Variants in CDH18 observed in about 807,000 individuals in gnomAD.
CDH18 encodes the protein cadherin-18.
A neutral mutation model predicts 67.9 loss-of-function variants in CDH18; 31 were observed. The ratio of observed to expected loss-of-function variants is 0.46; its 90% CI spans 0.34 to 0.62. CDH18 has a LOEUF of 0.62. CDH18 is among the 20% of genes least tolerant of loss of function. CDH18 has a pLI of 0.01. For synonymous variants in CDH18, 362 were observed against 347.2 expected (o/e 1.04, Z -0.48); for missense variants, 890 against 975.5 (o/e 0.91, Z 1.17).
At position 19,571,587 on chromosome 5, in the gene CDH18, G is replaced by A; in HGVS notation, c.1245C>T (p.Ser415=). The change falls in exon 8 of 13, where the codon AGC becomes AGT. Residue 415 remains serine (S), a synonymous_variant. Coordinates refer to ENST00000382275, the MANE Select transcript of CDH18 (RefSeq NM_004934.5). ...VLAQDPDSTN[S]LVRYFINYNV... ...ATTGAAGCATGCCATACCTTACTAAGCTGTTAGTACTGTCAGGATCTTGTG... is the reference window on the plus strand; with the variant it reads ...ATTGAAGCATGCCATACCTTACTAAACTGTTAGTACTGTCAGGATCTTGTG... 2 of 1,613,814 alleles carry A rather than the reference G, an allele frequency of 1.2e-6. No homozygotes were observed. Among genetic ancestry groups the A allele is most frequent in the South Asian group, 2.2e-5 (2 of 91,070 alleles).
intron 8 of CDH18, among the ~76,000 whole-genome samples, chr5:19,558,277 AAAAT>A (rs1738812141): frequency 6.6e-6 from 1 of 152,128 alleles, no homozygotes; most frequent in Non-Finnish European, 1.5e-5. Flanking sequence ...ACAGGAGAAG[AAAAT>A]AAATAACGAA....
chr5:20,420,366 C>A (rs2150157904), intron 1 of CDH18, among the ~76,000 whole-genome samples: 1 of 151,156 alleles, frequency 6.6e-6, no homozygotes, highest in East Asian at 1.9e-4. Context: ...AGAATACCAA[C>A]AATGAAATAA....
At chr5:20,412,595 C>T (rs987649770) in intron 1 of CDH18, among the ~76,000 whole-genome samples, 2 of 152,134 alleles carry the variant, frequency 1.3e-5, no homozygotes, top group Admixed American at 6.5e-5. Context: ...GATAACTATG[C>T]ATCCAACAAA....
intron 1 of CDH18, among the ~76,000 whole-genome samples, chr5:20,368,530 T>C (rs1334542699): frequency 6.6e-6 from 1 of 152,210 alleles, no homozygotes; most frequent in South Asian, 2.1e-4. Context: ...AGAGAAATGT[T>C]TCATATCTGA....
chr5:19,525,104 CTG>C (rs1246801868), intron 9 of CDH18, among the ~76,000 whole-genome samples: 1 of 152,118 alleles, frequency 6.6e-6, no homozygotes, highest in African/African-American at 2.4e-5. Context: ...AAGTAAGAAA[CTG>C]TGTTTTCTAT....
At chr5:19,628,352 A>G (rs955687396) in intron 5 of CDH18, among the ~76,000 whole-genome samples, 3 of 152,164 alleles carry the variant, frequency 2.0e-5, no homozygotes, top group African/African-American at 7.2e-5. Context: ...GTGAAAACAG[A>G]CTAATACAAG....
chr5:20,317,046 A>C (rs2149999437), intron 1 of CDH18, among the ~76,000 whole-genome samples: 1 of 152,150 alleles, frequency 6.6e-6, no homozygotes, highest in Middle Eastern at 3.4e-3. Flanking sequence ...TTATACAGAA[A>C]AATTGATATT....
At chr5:20,131,476 C>T (rs767660997) in intron 2 of CDH18, among the ~76,000 whole-genome samples, 19 of 151,932 alleles carry the variant, frequency 1.3e-4, no homozygotes, top group Admixed American at 1.3e-4. Flanking sequence ...TATTAGAGTA[C>T]GTATTTATTC....
intron 5 of CDH18, among the ~76,000 whole-genome samples, chr5:19,713,888 T>G (rs538116089): frequency 6.6e-6 from 1 of 152,204 alleles, no homozygotes; most frequent in East Asian, 1.9e-4. Context: ...GGTTCATAGA[T>G]TTCAGGTTGA....
chr5:19,592,854 A>C (rs559210717), intron 6 of CDH18, among the ~76,000 whole-genome samples: 6 of 151,928 alleles, frequency 3.9e-5, no homozygotes, highest in Non-Finnish European at 7.4e-5. Flanking sequence ...GGTAACAACC[A>C]CTCCATTCTT....
At chr5:20,018,899 A>G (rs1738140151) in intron 2 of CDH18, among the ~76,000 whole-genome samples, 1 of 149,680 alleles carries the variant, frequency 6.7e-6, no homozygotes, top group South Asian at 2.1e-4. Context: ...GGTTCACGCC[A>G]TTCTCCTGCC....
intron 3 of CDH18, among the ~76,000 whole-genome samples, chr5:19,832,619 T>C (rs115595308): frequency 0.013 from 1,998 of 152,276 alleles, 36 homozygotes; most frequent in African/African-American, 0.045. Context: ...ATGTCCTATA[T>C]GGTATTGCTT....
chr5:20,478,430 C>T (rs1385533376), intron 1 of CDH18, among the ~76,000 whole-genome samples: 1 of 152,122 alleles, frequency 6.6e-6, no homozygotes, highest in Non-Finnish European at 1.5e-5. Flanking sequence ...AATAAAGAGC[C>T]CTTGGGCCTT....
At chr5:20,073,945 T>C (rs1415438925) in intron 2 of CDH18, among the ~76,000 whole-genome samples, 2 of 152,088 alleles carry the variant, frequency 1.3e-5, no homozygotes, top group East Asian at 1.9e-4. Flanking sequence ...AATTAATTTA[T>C]CTTAGTTTGA....
At chr5:20,321,845 T>G (rs1015957570) in intron 1 of CDH18, among the ~76,000 whole-genome samples, 52 of 152,306 alleles carry the variant, frequency 3.4e-4, no homozygotes, top group African/African-American at 1.2e-3. Flanking sequence ...GATAATTTAC[T>G]TATTATCAAG....
chr5:19,653,791 A>G (rs956577768), intron 5 of CDH18, among the ~76,000 whole-genome samples: 4 of 152,144 alleles, frequency 2.6e-5, no homozygotes, highest in Non-Finnish European at 5.9e-5. Flanking sequence ...CTTAAGCTCC[A>G]GTGAGCAAGG....
At chr5:20,399,761 C>T (rs1208999888) in intron 1 of CDH18, among the ~76,000 whole-genome samples, 2 of 152,258 alleles carry the variant, frequency 1.3e-5, no homozygotes, top group East Asian at 3.9e-4. Flanking sequence ...TAATTATAGG[C>T]TTACTCAGTA....
intron 1 of CDH18, among the ~76,000 whole-genome samples, chr5:20,403,263 T>C (rs936024694): frequency 1.3e-5 from 2 of 152,198 alleles, no homozygotes; most frequent in Non-Finnish European, 2.9e-5. Flanking sequence ...TTGGTAGCTA[T>C]AGCCTTAATT....
Position 19,980,468 on chromosome 5 carries a change from G to A in CDH18, c.-257+592C>T, listed in dbSNP as rs539467140. ...TCCACTAAATATATATTGAATATGT[G>A]TTCATATGTATTTGTGAGTTTCCAT... On this transcript the variant is annotated intron_variant, in intron 2 of 12. Transcript: ENST00000382275. Among the ~76,000 whole-genome samples, 28 of 152,154 alleles carry A rather than the reference G, an allele frequency of 1.8e-4. No individual in the cohort carries two copies. The South Asian group carries it at 5.0e-3, about 27-fold the overall frequency.
Sources: gnomAD v4.1 joint callset for allele counts (sites outside exome capture counted in the v4.1 genomes callset) on GRCh38, gnomAD v4.1.1 for gene constraint, MANE v1.5 for transcripts, NCBI Gene and HGNC (gene_info 2026-07-23, HGNC 2026-07-21) for gene names.